Variants in CSMD1 observed in about 807,000 individuals in gnomAD.
The protein encoded by CSMD1 is CUB and Sushi multiple domains 1.
A neutral mutation model predicts 417.5 loss-of-function variants in CSMD1; 213 were observed. The observed-to-expected ratio is 0.51, with a 90% confidence interval of 0.46 to 0.57. The LOEUF (loss-of-function observed/expected upper bound fraction) is 0.57, where lower values mean the gene tolerates loss of function less well. CSMD1 is among the 20% of genes least tolerant of loss of function. The pLI is 0.00. For synonymous variants in CSMD1, 2,862 were observed against 1,736.8 expected (o/e 1.65, Z -16.11); for missense variants, 6,923 against 4,529.7 (o/e 1.53, Z -15.17).
intron 5 of CSMD1, among the ~76,000 whole-genome samples, chr8:3,932,574 G>T (rs765203953): frequency 6.6e-6 from 1 of 150,544 alleles, no homozygotes; most frequent in Non-Finnish European, 1.5e-5. Flanking sequence ...AGTCTAATTA[G>T]TACTGTGGCT....
intron 3 of CSMD1, among the ~76,000 whole-genome samples, chr8:4,164,960 G>C (rs1235878661): frequency 6.6e-6 from 1 of 152,056 alleles, no homozygotes; most frequent in Non-Finnish European, 1.5e-5. Flanking sequence ...TGTTTCAACT[G>C]AGCAGTAGGA....
chr8:3,519,282 T>A (rs965131075), intron 10 of CSMD1, among the ~76,000 whole-genome samples: 1 of 152,212 alleles, frequency 6.6e-6, no homozygotes, highest in African/African-American at 2.4e-5. Flanking sequence ...TGAAAATACC[T>A]GAGTCTTCAA....
At chr8:4,031,740 A>C (rs1797357722) in intron 4 of CSMD1, among the ~76,000 whole-genome samples, 165 bp downstream of exon 4, 2 of 152,210 alleles carry the variant, frequency 1.3e-5, no homozygotes, top group Admixed American at 6.5e-5. Flanking sequence ...TATTTCTTAC[A>C]TAGTAATAAC....
intron 1 of CSMD1, among the ~76,000 whole-genome samples, chr8:4,830,634 T>C (rs1022497730): frequency 3.9e-5 from 6 of 152,304 alleles, no homozygotes; most frequent in African/African-American, 1.4e-4. Context: ...ATCGTGGTAG[T>C]TTTTTATTGC....
intron 5 of CSMD1, among the ~76,000 whole-genome samples, chr8:3,919,118 A>G (rs73174430): frequency 0.23 from 35,052 of 149,900 alleles, 5,085 homozygotes; most frequent in East Asian, 0.43. Flanking sequence ...TGCTGTGCAG[A>G]AGATTCTGTG....
At chr8:3,479,942 A>G (rs1281885029) in intron 11 of CSMD1, among the ~76,000 whole-genome samples, 1 of 152,248 alleles carries the variant, frequency 6.6e-6, no homozygotes, top group African/African-American at 2.4e-5. Flanking sequence ...AAAATAACAG[A>G]AGAGAAAACT....
Position 2,955,775 on chromosome 8 carries a change from C to T in CSMD1, c.9815-7G>A, listed in dbSNP as rs1247981085. The stretch of plus-strand genomic sequence containing the variant: ...GGCTGTCTGCAGGCATGAGCTGAAA[C>T]AACATTAGGAAACATTGAGACTTTG... On this transcript the variant is annotated splice_region_variant and splice_polypyrimidine_tract_variant and intron_variant, in intron 63 of 69. Coordinates refer to ENST00000635120, the MANE Select transcript of CSMD1 (RefSeq NM_033225.6). The T allele has an allele frequency of 1.2e-6, 2 of 1,612,352 alleles. No individual in the cohort carries two copies. Among genetic ancestry groups the T allele is most frequent in the South Asian group, 1.1e-5 (1 of 90,880 alleles).
In CSMD1 at chr8:4,414,471, G is replaced by A. The variant is rs907932774; in HGVS notation, c.415+5482C>T. On this transcript the variant is annotated intron_variant, in intron 3 of 69. Coordinates refer to ENST00000635120, the MANE Select transcript of CSMD1 (RefSeq NM_033225.6). The stretch of plus-strand genomic sequence containing the variant: ...TGATCCCTCATTTTCTGTTTGTGAG[G>A]ATTAAATTTCATATCCTATACTGAG... Among the ~76,000 whole-genome samples the A allele has an allele frequency of 6.6e-5, 10 of 152,070 alleles. 1 individual carries two copies. The highest frequency in any genetic ancestry group is 3.9e-4 in the Admixed American group (6 of 15,262).
intron 54 of CSMD1, among the ~76,000 whole-genome samples, chr8:2,987,016 G>A (rs1163957401): frequency 6.6e-6 from 1 of 151,984 alleles, no homozygotes; most frequent in Non-Finnish European, 1.5e-5. Context: ...ACTCTTGCAA[G>A]TACATTCCCT....
intron 2 of CSMD1, among the ~76,000 whole-genome samples, chr8:4,469,955 C>A (rs1207629535): frequency 1.3e-5 from 2 of 150,766 alleles, no homozygotes; most frequent in East Asian, 3.9e-4. Flanking sequence ...GCAAGCTCCA[C>A]CTCCTGGATT....
In CSMD1 at chr8:3,406,042, C is replaced by T. The variant is rs369449812; in HGVS notation, c.2251G>A (p.Val751Met). 20 of 1,613,708 alleles carry T rather than the reference C, an allele frequency of 1.2e-5. No homozygotes were observed. In the South Asian group the frequency reaches 1.3e-4, roughly 11 times the overall value. Reference protein sequence around the residue: ...QDGNVVWSSTVPRCEAPCGGH... With the variant: ...QDGNVVWSSTMPRCEAPCGGH... ...GGGACTGCACCTTCACAGCGGGGCACGGTGGAGCTCCAGACCACGTTCCCG... is the reference window on the plus strand; with the variant it reads ...GGGACTGCACCTTCACAGCGGGGCATGGTGGAGCTCCAGACCACGTTCCCG... The change falls in exon 15 of 70, where the codon GTG becomes ATG. Residue 751 changes from valine to methionine, a missense_variant. Physicochemically the swap from Val to Met is conservative, Grantham distance 21. Coordinates refer to ENST00000635120, the MANE Select transcript of CSMD1 (RefSeq NM_033225.6).
At chr8:4,401,207 T>G (rs994409176) in intron 3 of CSMD1, among the ~76,000 whole-genome samples, 1 of 152,156 alleles carries the variant, frequency 6.6e-6, no homozygotes, top group African/African-American at 2.4e-5. Context: ...TCAAACGGTT[T>G]CTGAAATAAC....
At chr8:3,444,308 G>T (rs776569117) in intron 12 of CSMD1, among the ~76,000 whole-genome samples, 1 of 152,066 alleles carries the variant, frequency 6.6e-6, no homozygotes, top group African/African-American at 2.4e-5. Context: ...AGCTATCATC[G>T]ACTCAGGAGT....
At chr8:3,904,873 G>C (rs1808008509) in intron 5 of CSMD1, among the ~76,000 whole-genome samples, 1 of 152,058 alleles carries the variant, frequency 6.6e-6, no homozygotes, top group Non-Finnish European at 1.5e-5. Flanking sequence ...TTGACCTCAA[G>C]TGATCCACCT....
At chr8:4,778,435 C>G (rs1323633009) in intron 1 of CSMD1, among the ~76,000 whole-genome samples, 2 of 152,098 alleles carry the variant, frequency 1.3e-5, no homozygotes, top group Non-Finnish European at 1.5e-5. Context: ...TTTGAAGTAC[C>G]TGGACTTTTT....
At chr8:3,681,938 G>A (rs1313965914) in intron 7 of CSMD1, among the ~76,000 whole-genome samples, 3 of 152,086 alleles carry the variant, frequency 2.0e-5, no homozygotes, top group African/African-American at 4.8e-5. Context: ...CAAGAAATGG[G>A]GAAAGGATTC....
intron 2 of CSMD1, among the ~76,000 whole-genome samples, chr8:4,487,173 T>A (rs958518742): frequency 7.2e-5 from 11 of 152,118 alleles, no homozygotes; most frequent in East Asian, 1.9e-4. Context: ...TTCTTTCTTT[T>A]TTATTATTAT....
At chr8:4,056,994 A>G (rs903684450) in intron 3 of CSMD1, among the ~76,000 whole-genome samples, 1 of 152,198 alleles carries the variant, frequency 6.6e-6, no homozygotes, top group Non-Finnish European at 1.5e-5. Flanking sequence ...TGCAATAAAC[A>G]TACGTGTGCA....
chr8:3,861,424 A>G (rs897238455), intron 5 of CSMD1, among the ~76,000 whole-genome samples: 1 of 152,230 alleles, frequency 6.6e-6, no homozygotes, highest in African/African-American at 2.4e-5. Flanking sequence ...GGTAAATTGC[A>G]TCTGACTGGG....
Sources: gnomAD v4.1 joint callset for allele counts (sites outside exome capture counted in the v4.1 genomes callset) on GRCh38, gnomAD v4.1.1 for gene constraint, MANE v1.5 for transcripts, NCBI Gene and HGNC (gene_info 2026-07-23, HGNC 2026-07-21) for gene names.